DIP2C: variants seen among roughly 807,000 people sequenced by gnomAD.
The protein encoded by DIP2C is disco-interacting protein 2 homolog C.
A neutral mutation model predicts 192.4 loss-of-function variants in DIP2C; 33 were observed. The ratio of observed to expected loss-of-function variants is 0.17; its 90% confidence interval spans 0.13 to 0.23. DIP2C has a LOEUF of 0.23. DIP2C is among the 10% of genes least tolerant of loss of function. The probability of loss-of-function intolerance (pLI) is 1.00; values close to 1 mark genes in which losing one functional copy is unlikely to be tolerated. For missense variants in DIP2C, 1,537 were observed against 2,110.1 expected (o/e 0.73, Z 5.32); for synonymous variants, 979 against 864.1 (o/e 1.13, Z -2.33).
intron 3 of DIP2C, among the ~76,000 whole-genome samples, chr10:460,977 A>C (rs191810359): frequency 6.6e-6 from 1 of 152,286 alleles, no homozygotes; most frequent in Admixed American, 6.5e-5. Context: ...GAGAAATATA[A>C]TCATTTACAG....
At chr10:467,033 G>T (rs1970262360) in intron 3 of DIP2C, among the ~76,000 whole-genome samples, 1 of 151,182 alleles carries the variant, frequency 6.6e-6, no homozygotes, top group Admixed American at 6.6e-5. Context: ...CCATTACTGG[G>T]TATATACCCA....
intron 1 of DIP2C, among the ~76,000 whole-genome samples, chr10:620,457 G>A (rs1440682962): frequency 2.6e-5 from 4 of 152,200 alleles, no homozygotes; most frequent in Admixed American, 6.5e-5. Context: ...TTCCTAGGGG[G>A]CCTCCTGAGG....
chr10:511,097 G>A (rs918385015), intron 1 of DIP2C, among the ~76,000 whole-genome samples: 6 of 152,204 alleles, frequency 3.9e-5, no homozygotes, highest in African/African-American at 9.7e-5. Flanking sequence ...ACACACAGCC[G>A]TTTCTGAAGT....
chr10:307,805 A>AG (rs1956392348), intron 32 of DIP2C, among the ~76,000 whole-genome samples: 1 of 151,768 alleles, frequency 6.6e-6, no homozygotes, highest in South Asian at 2.1e-4. Context: ...GGCAGCAGGG[A>AG]GGGTTCAGGG....
intron 3 of DIP2C, among the ~76,000 whole-genome samples, chr10:451,477 CCT>C (rs1421879768): frequency 6.6e-6 from 1 of 152,154 alleles, no homozygotes; most frequent in Non-Finnish European, 1.5e-5. Context: ...AGTTTTACAG[CCT>C]CTTTCTATGT....
rs1441251460 is a variant in DIP2C at position 689,441 on chromosome 10, C to T, written c.85+53G>A. 6.8e-6 allele frequency: 7 copies of T among 1,029,640 alleles called. No homozygotes were observed. Among genetic ancestry groups the T allele is most frequent in the Non-Finnish European group, 8.2e-6 (7 of 854,734 alleles). The allele number at this position is 1,029,640 out of a possible 1,614,324, so 63.8% of individuals were successfully genotyped here. A position where few individuals can be genotyped will look rare whatever the true frequency, so the allele number is the denominator to read the frequency against. ...GGCCCCGCGCCCCCAGCCCTCCGCG[C>T]GCGGCCCTCCCCGGTGACAGCGCGG... On this transcript the variant is annotated intron_variant, in intron 1 of 36. Transcript: ENST00000280886. The surrounding 1 kb of genome is among the most constrained non-coding windows in gnomAD (Gnocchi z 6.1).
chr10:391,399 G>A (rs1466469382), intron 10 of DIP2C, among the ~76,000 whole-genome samples: 2 of 152,260 alleles, frequency 1.3e-5, no homozygotes, highest in East Asian at 1.9e-4. Flanking sequence ...GAGCAGCCCA[G>A]TCTCAACGAA....
chr10:344,051 C>T (rs531735217), intron 28 of DIP2C, among the ~76,000 whole-genome samples: 9 of 152,252 alleles, frequency 5.9e-5, no homozygotes, highest in African/African-American at 2.2e-4. Context: ...CAGCCAGGAA[C>T]GTTCTGATGG....
At chr10:430,024 C>A (rs187701819) in intron 4 of DIP2C, among the ~76,000 whole-genome samples, 26 of 152,258 alleles carry the variant, frequency 1.7e-4, no homozygotes, top group African/African-American at 6.3e-4. Context: ...AGAGAATTCC[C>A]GCAGCTCCAC....
chr10:470,660 AC>A (rs925679392), intron 3 of DIP2C, among the ~76,000 whole-genome samples: 17 of 152,078 alleles, frequency 1.1e-4, no homozygotes, highest in African/African-American at 3.9e-4. Flanking sequence ...GTTTATCAAC[AC>A]CCCTGCAGCA....
At chr10:514,995 C>T (rs566988169) in intron 1 of DIP2C, among the ~76,000 whole-genome samples, 2 of 152,274 alleles carry the variant, frequency 1.3e-5, no homozygotes, top group East Asian at 1.9e-4. Flanking sequence ...TTTACGTCCA[C>T]GTTCTCATCA....
At chr10:531,739 G>A (rs1043817043) in intron 1 of DIP2C, among the ~76,000 whole-genome samples, 2 of 152,054 alleles carry the variant, frequency 1.3e-5, no homozygotes, top group Non-Finnish European at 2.9e-5. Flanking sequence ...GCTCTGCCGC[G>A]GGACCATGAA....
chr10:351,486 C>A (rs1210480539), intron 24 of DIP2C, among the ~76,000 whole-genome samples: 1 of 152,208 alleles, frequency 6.6e-6, no homozygotes, highest in Admixed American at 6.5e-5. Context: ...GGTCTTCAGA[C>A]CCTTCCTGCC....
chr10:619,465 C>G (rs1037357208), intron 1 of DIP2C, among the ~76,000 whole-genome samples: 2 of 151,036 alleles, frequency 1.3e-5, no homozygotes, highest in Non-Finnish European at 3.0e-5. Context: ...GCAGCCCTGG[C>G]GGCTCCTCAA....
intron 1 of DIP2C, among the ~76,000 whole-genome samples, chr10:535,264 G>A (rs1847635400): frequency 6.6e-6 from 1 of 152,008 alleles, no homozygotes. Flanking sequence ...TTCCTCCCTT[G>A]GTAAGAGTCA....
intron 1 of DIP2C, among the ~76,000 whole-genome samples, chr10:633,028 C>T (rs375818884): frequency 2.0e-3 from 303 of 152,372 alleles, no homozygotes; most frequent in African/African-American, 5.2e-3. Flanking sequence ...CTCCAGCCAC[C>T]ACCAGAACCC....
intron 3 of DIP2C, among the ~76,000 whole-genome samples, chr10:453,291 C>T (rs925113111): frequency 3.3e-5 from 5 of 152,016 alleles, no homozygotes; most frequent in African/African-American, 7.3e-5. Context: ...GATGAGAGGC[C>T]GTGGAATGGA....
chr10:524,317 G>A (rs907795156), intron 1 of DIP2C, among the ~76,000 whole-genome samples: 7 of 152,150 alleles, frequency 4.6e-5, no homozygotes, highest in Non-Finnish European at 8.8e-5. Flanking sequence ...ACTTCACAGG[G>A]TCCCTGCTCA....
chr10:399,068 T>G, intron 10 of DIP2C, 41 bp downstream of exon 10: 12 of 1,534,868 alleles, frequency 7.8e-6, no homozygotes, highest in Non-Finnish European at 1.1e-5. Flanking sequence ...GTGAAAGCCA[T>G]CTCACTCAGC....
Sources: gnomAD v4.1 joint callset for allele counts (sites outside exome capture counted in the v4.1 genomes callset) on GRCh38, gnomAD v4.1.1 for gene constraint, Gnocchi (gnomAD v3.1) non-coding constraint, MANE v1.5 for transcripts, NCBI Gene and HGNC (gene_info 2026-07-23, HGNC 2026-07-21) for gene names.